Variants in DOCK3 observed in about 807,000 individuals in gnomAD.
DOCK3 encodes dedicator of cytokinesis 3.
Under a neutral mutation model 265.6 loss-of-function variants are expected in DOCK3, and 60 were observed. The ratio of observed to expected loss-of-function variants is 0.23; its 90% CI spans 0.18 to 0.28. The LOEUF is 0.28. Among genes scored for constraint, DOCK3 ranks in the 10% least tolerant of loss-of-function variants. The pLI, the probability that DOCK3 is intolerant of heterozygous loss-of-function variation, is 1.00. For missense variants in DOCK3, 1,981 were observed against 2,594.3 expected (o/e 0.76, Z 5.14); for synonymous variants, 881 against 938.0 (o/e 0.94, Z 1.11).
At chr3:51,167,996 G>T (rs544085170) in intron 12 of DOCK3, among the ~76,000 whole-genome samples, 12 of 152,162 alleles carry the variant, frequency 7.9e-5, no homozygotes, top group Non-Finnish European at 1.5e-4. Flanking sequence ...GATGAGAGTG[G>T]ACATCTTTGT....
intron 22 of DOCK3, among the ~76,000 whole-genome samples, chr3:51,258,809 G>C (rs954836848): frequency 6.6e-6 from 1 of 152,184 alleles, no homozygotes; most frequent in East Asian, 1.9e-4. Flanking sequence ...ACCTAAAGGG[G>C]AAGGTCAGAC....
intron 9 of DOCK3, among the ~76,000 whole-genome samples, chr3:51,132,630 T>C (rs1286838903): frequency 6.6e-6 from 1 of 152,192 alleles, no homozygotes; most frequent in East Asian, 1.9e-4. Flanking sequence ...ACCAGCTTCA[T>C]TATGTTCCTG....
intron 7 of DOCK3, among the ~76,000 whole-genome samples, chr3:51,077,690 G>A (rs997160135): frequency 6.6e-6 from 1 of 152,176 alleles, no homozygotes; most frequent in African/African-American, 2.4e-5. Flanking sequence ...AAACCTTGTG[G>A]AAGAAGCAGT....
At chr3:51,134,410 C>T (rs2084702056) in intron 9 of DOCK3, among the ~76,000 whole-genome samples, 1 of 152,176 alleles carries the variant, frequency 6.6e-6, no homozygotes, top group Admixed American at 6.5e-5. Flanking sequence ...CAGATTTACT[C>T]ATGTGTCTGT....
At chr3:51,237,634 G>C in intron 21 of DOCK3, 44 bp downstream of exon 21, 1 of 1,542,218 alleles carries the variant, frequency 6.5e-7, no homozygotes, top group African/African-American at 1.4e-5. Flanking sequence ...TGTTTGAGTA[G>C]AAATATAGGC....
intron 2 of DOCK3, among the ~76,000 whole-genome samples, chr3:50,807,582 A>G (rs2043506539): frequency 2.0e-5 from 3 of 152,240 alleles, no homozygotes; most frequent in Admixed American, 2.0e-4. Flanking sequence ...ACATAGTATT[A>G]TAAGTACTAG....
At chr3:50,926,944 A>G (rs564445665) in intron 4 of DOCK3, among the ~76,000 whole-genome samples, 1 of 152,244 alleles carries the variant, frequency 6.6e-6, no homozygotes, top group South Asian at 2.1e-4. Flanking sequence ...AATATGTTAG[A>G]TCATGTTACT....
intron 19 of DOCK3, among the ~76,000 whole-genome samples, chr3:51,233,671 T>C (rs2078234755): frequency 6.6e-6 from 1 of 152,148 alleles, no homozygotes; most frequent in South Asian, 2.1e-4. Context: ...GCCCATCCTC[T>C]TTCAGCAGTA....
chr3:50,804,488 G>A (rs927011774), intron 2 of DOCK3, among the ~76,000 whole-genome samples: 1 of 152,202 alleles, frequency 6.6e-6, no homozygotes, highest in African/African-American at 2.4e-5. Flanking sequence ...TGCAATCCCG[G>A]TACCTTGGGA....
At chr3:51,017,568 T>C (rs1465496622) in intron 5 of DOCK3, among the ~76,000 whole-genome samples, 6 of 151,878 alleles carry the variant, frequency 4.0e-5, no homozygotes, top group Non-Finnish European at 8.8e-5. Context: ...TTCTGTTGTT[T>C]GTTTCAAGAA....
At chr3:51,049,829 C>CACACACACACACA (rs377417609) in intron 5 of DOCK3, among the ~76,000 whole-genome samples, 4 of 144,452 alleles carry the variant, frequency 2.8e-5, no homozygotes, top group South Asian at 4.5e-4. Flanking sequence ...ACACACACAC[C>CACACACACACACA]CCAAAAAAAC....
At chr3:50,869,319 A>C in intron 3 of DOCK3, among the ~76,000 whole-genome samples, 2 of 89,536 alleles carry the variant, frequency 2.2e-5, no homozygotes, top group Middle Eastern at 6.7e-3. Flanking sequence ...TCTTTATTTC[A>C]ATTTTATTTA....
chr3:50,849,734 T>C (rs2046270422), intron 3 of DOCK3, among the ~76,000 whole-genome samples: 1 of 152,068 alleles, frequency 6.6e-6, no homozygotes, highest in South Asian at 2.1e-4. Flanking sequence ...AATGTAAAAA[T>C]TAGATGCCTT....
chr3:51,324,992 C>T (rs1318810475), intron 32 of DOCK3, among the ~76,000 whole-genome samples: 1 of 152,118 alleles, frequency 6.6e-6, no homozygotes, highest in Non-Finnish European at 1.5e-5. Flanking sequence ...CAATACCATT[C>T]AGGACATAGG....
At chr3:50,947,503 T>C (rs1575592171) in intron 5 of DOCK3, among the ~76,000 whole-genome samples, 1 of 152,170 alleles carries the variant, frequency 6.6e-6, no homozygotes, top group East Asian at 1.9e-4. Context: ...GTTAATACAA[T>C]AAGATAGCAT....
rs780842703 is a variant in DOCK3 at position 51,064,561 on chromosome 3, G to A, written c.429G>A (p.Lys143=). 1.2e-6 allele frequency: 2 copies of A among 1,613,870 alleles called. No homozygotes were observed. Among genetic ancestry groups the A allele is most frequent in the African/African-American group, 1.3e-5 (1 of 74,926 alleles). The change falls in exon 6 of 53, where the codon AAG becomes AAA. Residue 143 remains lysine, a synonymous_variant. Coordinates refer to ENST00000266037, the MANE Select transcript of DOCK3 (RefSeq NM_004947.5). ...HLTQDQVREV[K]RHITVRLDWG... The stretch of plus-strand genomic sequence containing the variant: ...CTCAGGATCAGGTGCGGGAGGTTAA[G>A]CGGCACATCACCGTGCGCCTGGACT...
rs528554544 is a variant in DOCK3, at chr3:51,305,703, A to AGT, written c.2923-4518_2923-4517dup. Among the ~76,000 whole-genome samples the AGT allele has an allele frequency of 8.1e-3, 773 of 94,968 alleles. 9 individuals are homozygous for AGT. The highest frequency in any genetic ancestry group is 0.031 in the African/African-American group (736 of 23,690). The allele number at this position is 94,968 out of a possible 152,430, so 62.3% of individuals were successfully genotyped here. ...TTTAGTATGCCATTTTAATTCCCTC[A>AGT]GTGTGTGTGTGTCTGTGTGTGTGTG... On this transcript the variant is annotated intron_variant, in intron 27 of 52. Coordinates refer to ENST00000266037, the MANE Select transcript of DOCK3 (RefSeq NM_004947.5).
At chr3:51,364,545 A>G (rs1288737266) in intron 49 of DOCK3, among the ~76,000 whole-genome samples, 1 of 152,176 alleles carries the variant, frequency 6.6e-6, no homozygotes, top group East Asian at 1.9e-4. Context: ...TGTTTTAGTC[A>G]TGAAGTCCTT....
At chr3:50,708,192 C>T (rs2036538221) in intron 1 of DOCK3, among the ~76,000 whole-genome samples, 1 of 152,140 alleles carries the variant, frequency 6.6e-6, no homozygotes, top group Non-Finnish European at 1.5e-5. Context: ...GGCATCCAGG[C>T]AGACTGGTCT....
Sources: gnomAD v4.1 joint callset for allele counts (sites outside exome capture counted in the v4.1 genomes callset) on GRCh38, gnomAD v4.1.1 for gene constraint, MANE v1.5 for transcripts, NCBI Gene and HGNC (gene_info 2026-07-23, HGNC 2026-07-21) for gene names.